GALNT1: variants seen among roughly 807,000 people sequenced by gnomAD.
GALNT1 encodes the protein GalNAc transferase 1.
In GALNT1, 17 loss-of-function variants were observed where a neutral mutation model predicts 65.7. That is an observed-to-expected ratio of 0.26 (90% confidence interval 0.18 to 0.39). The LOEUF is 0.39. GALNT1 is among the 10% of genes least tolerant of loss of function. The probability of loss-of-function intolerance (pLI) is 1.00; values close to 1 mark genes in which losing one functional copy is unlikely to be tolerated. For missense variants in GALNT1, 460 were observed against 672.8 expected (o/e 0.68, Z 3.50); for synonymous variants, 210 against 219.7 (o/e 0.96, Z 0.39).
intron 9 of GALNT1, among the ~76,000 whole-genome samples, chr18:35,701,976 C>T (rs1413400580): frequency 6.6e-6 from 1 of 152,154 alleles, no homozygotes; most frequent in Non-Finnish European, 1.5e-5. Context: ...ACAGAACTGA[C>T]ATTAGCATAG....
intron 1 of GALNT1, among the ~76,000 whole-genome samples, chr18:35,643,672 C>T (rs2047194016): frequency 6.6e-6 from 1 of 151,744 alleles, no homozygotes; most frequent in Non-Finnish European, 1.5e-5. Context: ...ATGGCAGGCA[C>T]CTGTAGTCCC....
intron 9 of GALNT1, among the ~76,000 whole-genome samples, chr18:35,699,992 CA>C (rs149945630): frequency 0.017 from 2,582 of 152,154 alleles, 72 homozygotes; most frequent in African/African-American, 0.058. Flanking sequence ...TCCCTTTCTC[CA>C]AAGGCTCTTC....
intron 1 of GALNT1, among the ~76,000 whole-genome samples, chr18:35,610,806 A>T (rs1313030860): frequency 6.6e-6 from 1 of 152,230 alleles, no homozygotes; most frequent in East Asian, 1.9e-4. Context: ...AAACAAAAAA[A>T]GTGAGAAGTG....
At chr18:35,612,538 C>T (rs1421235174) in intron 1 of GALNT1, among the ~76,000 whole-genome samples, 1 of 151,950 alleles carries the variant, frequency 6.6e-6, no homozygotes, top group Non-Finnish European at 1.5e-5. Flanking sequence ...TAAAGTGTGC[C>T]CCAATTTCTT....
intron 1 of GALNT1, among the ~76,000 whole-genome samples, chr18:35,652,265 G>A (rs2047320947): frequency 6.6e-6 from 1 of 152,138 alleles, no homozygotes; most frequent in Non-Finnish European, 1.5e-5. Context: ...CGTCCTAAGA[G>A]CCAAACCCTG....
intron 7 of GALNT1, among the ~76,000 whole-genome samples, 157 bp downstream of exon 7, chr18:35,689,447 G>C (rs935464541): frequency 6.6e-6 from 1 of 151,998 alleles, no homozygotes; most frequent in Non-Finnish European, 1.5e-5. Flanking sequence ...TGATAGTAAG[G>C]GTTCATTATA....
intron 9 of GALNT1, among the ~76,000 whole-genome samples, chr18:35,695,890 G>GTTTTTT (rs930576038): frequency 1.3e-5 from 2 of 152,110 alleles, no homozygotes; most frequent in Non-Finnish European, 2.9e-5. Context: ...AAAATGAGGA[G>GTTTTTT]TTTTTTGTTT....
At chr18:35,678,554 G>C (rs933886854) in intron 4 of GALNT1, among the ~76,000 whole-genome samples, 28 of 152,126 alleles carry the variant, frequency 1.8e-4, no homozygotes, top group Non-Finnish European at 2.9e-5. Flanking sequence ...GCTTAACTTA[G>C]ATACCCAGTA....
chr18:35,679,009 T>G (rs2047750722), intron 4 of GALNT1, among the ~76,000 whole-genome samples: 1 of 152,206 alleles, frequency 6.6e-6, no homozygotes, highest in African/African-American at 2.4e-5. Context: ...ATTAAAGAGA[T>G]ACTTTATAAT....
chr18:35,659,013 A>C (rs538524575), intron 2 of GALNT1, among the ~76,000 whole-genome samples: 1 of 152,060 alleles, frequency 6.6e-6, no homozygotes, highest in Non-Finnish European at 1.5e-5. Flanking sequence ...CCTGGCATCA[A>C]AGTCTCTCTT....
chr18:35,637,265 G>A (rs2047103540), intron 1 of GALNT1, among the ~76,000 whole-genome samples: 1 of 152,188 alleles, frequency 6.6e-6, no homozygotes, highest in Non-Finnish European at 1.5e-5. Flanking sequence ...AAAAGATAAC[G>A]CTTAGTGAGG....
chr18:35,630,517 C>G (rs1186878352), intron 1 of GALNT1, among the ~76,000 whole-genome samples: 1 of 152,146 alleles, frequency 6.6e-6, no homozygotes, highest in Non-Finnish European at 1.5e-5. Context: ...AGAACAAAGA[C>G]ACAACATACC....
chr18:35,628,586 C>T lies in GALNT1; in HGVS notation c.-103-25974C>T, dbSNP rs560249310. On this transcript the variant is annotated intron_variant, in intron 1 of 11. Transcript: ENST00000269195. Reference sequence around the variant, plus strand: ...ATCTGTACATCACCATCATCAAAGACCAAAGGTAGATAAAACCACAAATAT... The same window carrying T: ...ATCTGTACATCACCATCATCAAAGATCAAAGGTAGATAAAACCACAAATAT... 5.9e-5 allele frequency among the ~76,000 whole-genome samples: 9 copies of T among 152,150 alleles called. No homozygotes were observed. The East Asian group carries it at 1.4e-3, about 23-fold the overall frequency.
intron 1 of GALNT1, among the ~76,000 whole-genome samples, chr18:35,587,165 A>G (rs886454527): frequency 6.6e-6 from 1 of 152,206 alleles, no homozygotes; most frequent in East Asian, 1.9e-4. Context: ...CATTGCCAGT[A>G]TGTAGAAATA....
intron 1 of GALNT1, among the ~76,000 whole-genome samples, chr18:35,619,791 G>A (rs542683780): frequency 1.3e-5 from 2 of 152,266 alleles, no homozygotes; most frequent in African/African-American, 2.4e-5. Context: ...TTGTCTCTGC[G>A]TTTTAACTTG....
At chr18:35,669,429 G>A (rs2047598523) in intron 3 of GALNT1, among the ~76,000 whole-genome samples, 1 of 152,138 alleles carries the variant, frequency 6.6e-6, no homozygotes, top group Non-Finnish European at 1.5e-5. Flanking sequence ...CAGTAGTCTC[G>A]ATACAGATGC....
chr18:35,708,820 AC>A (rs1212617690), intron 11 of GALNT1, among the ~76,000 whole-genome samples: 8 of 152,234 alleles, frequency 5.3e-5, no homozygotes, highest in Non-Finnish European at 1.0e-4. Flanking sequence ...ATGTCTGTTA[AC>A]CATTTATTAA....
intron 2 of GALNT1, among the ~76,000 whole-genome samples, chr18:35,659,013 A>G (rs538524575): frequency 6.6e-6 from 1 of 152,178 alleles, no homozygotes; most frequent in Non-Finnish European, 1.5e-5. Context: ...CCTGGCATCA[A>G]AGTCTCTCTT....
At chr18:35,600,619 C>T (rs964459077) in intron 1 of GALNT1, among the ~76,000 whole-genome samples, 3 of 152,110 alleles carry the variant, frequency 2.0e-5, no homozygotes, top group African/African-American at 7.2e-5. Context: ...GGAAAGGCTT[C>T]AGTTTTTTCC....
Sources: gnomAD v4.1 joint callset for allele counts (sites outside exome capture counted in the v4.1 genomes callset) on GRCh38, gnomAD v4.1.1 for gene constraint, MANE v1.5 for transcripts, NCBI Gene and HGNC (gene_info 2026-07-23, HGNC 2026-07-21) for gene names.